SLC25A28: variants seen among roughly 807,000 people sequenced by gnomAD.
SLC25A28 encodes the protein solute carrier family 25 member 28, also known as mitoferrin-2.
SLC25A28 carries 10 observed loss-of-function variants against 31.9 expected under a neutral mutation model. The ratio of observed to expected loss-of-function variants is 0.31; its 90% CI spans 0.19 to 0.53. The LOEUF is 0.53. Ranked by LOEUF, SLC25A28 falls within the 20% of genes least tolerant of loss-of-function variation. The probability of loss-of-function intolerance (pLI) is 0.95; values close to 1 mark genes in which losing one functional copy is unlikely to be tolerated. For missense variants in SLC25A28, 256 were observed against 490.3 expected (o/e 0.52, Z 4.51); for synonymous variants, 208 against 203.6 (o/e 1.02, Z -0.19).
Position 99,610,836 on chromosome 10 carries a change from G to C in SLC25A28, c.*13C>G. The C allele has an allele frequency of 6.2e-7, 1 of 1,608,420 alleles. No individual in the cohort carries two copies. Among genetic ancestry groups the C allele is most frequent in the African/African-American group, 1.3e-5 (1 of 74,932 alleles). ...CAGTGTCATCTGAACCCCTGGCTTC[G>C]TTCAGTGCTACTTCACTTGCCAGCC... On this transcript the variant is annotated 3_prime_UTR_variant, in exon 4 of 4. Coordinates refer to ENST00000370495, the MANE Select transcript of SLC25A28 (RefSeq NM_031212.4).
chr10:99,648,053 C>T, the SLC25A28 span, among the ~76,000 whole-genome samples: 1 of 151,584 alleles, frequency 6.6e-6, no homozygotes, highest in Non-Finnish European at 1.5e-5. Context: ...GGCTGGAGTG[C>T]AGTGGAGTGA....
intron 1 of SLC25A28, chr10:99,618,977 C>T: frequency 2.0e-6 from 2 of 985,466 alleles, no homozygotes; most frequent in Non-Finnish European, 2.4e-6. Context: ...GTAAAGGAGG[C>T]ATCGGTCTTT....
the SLC25A28 span, among the ~76,000 whole-genome samples, chr10:99,642,706 C>T: frequency 6.6e-6 from 1 of 152,106 alleles, no homozygotes; most frequent in African/African-American, 2.4e-5. Context: ...GTGGGTCTGT[C>T]AAAAATAGCT....
At chr10:99,635,706 A>C in the SLC25A28 span, among the ~76,000 whole-genome samples, 1 of 151,644 alleles carries the variant, frequency 6.6e-6, no homozygotes, top group Non-Finnish European at 1.5e-5. Flanking sequence ...CCAACCAACT[A>C]TCTGCTGCCT....
chr10:99,627,285 T>C, the SLC25A28 span, among the ~76,000 whole-genome samples: 1 of 152,092 alleles, frequency 6.6e-6, no homozygotes, highest in South Asian at 2.1e-4. Flanking sequence ...ATAGTAGGTG[T>C]ATATTTATAG....
chr10:99,639,221 AG>A, the SLC25A28 span, among the ~76,000 whole-genome samples: 1 of 151,884 alleles, frequency 6.6e-6, no homozygotes, highest in Non-Finnish European at 1.5e-5. Context: ...ATTCTAAGTG[AG>A]GGTAACTCAG....
chr10:99,612,574 T>C lies in SLC25A28; in HGVS notation c.546A>G (p.Leu182=). ...CAGGGTTCATGGCTGCATCATGAAG[T>C]AATGTTGCCACACACCCGGCCGCAC... ...ANGAAGCVAT[L]LHDAAMNPAE... is the part of the protein sequence containing the mutation. The change falls in exon 3 of 4, where the codon TTA becomes TTG. Residue 182 remains leucine, a synonymous_variant. Coordinates refer to ENST00000370495, the MANE Select transcript of SLC25A28 (RefSeq NM_031212.4). The C allele has an allele frequency of 6.2e-7, 1 of 1,614,184 alleles. No homozygotes were observed. Among genetic ancestry groups the C allele is most frequent in the Non-Finnish European group, 8.5e-7 (1 of 1,180,042 alleles).
chr10:99,616,427 C>T, intron 1 of SLC25A28: 1 of 966,960 alleles, frequency 1.0e-6, no homozygotes, highest in Non-Finnish European at 1.2e-6. Flanking sequence ...GCTAGAAATA[C>T]AAAGATTTTT....
At chr10:99,629,911 C>T in the SLC25A28 span, among the ~76,000 whole-genome samples, 2 of 152,144 alleles carry the variant, frequency 1.3e-5, no homozygotes, top group African/African-American at 2.4e-5. Context: ...CAGTGGCTCA[C>T]GCCTGTAATC....
At chr10:99,622,974 TAC>T (rs2034823083), upstream of SLC25A28, among the ~76,000 whole-genome samples, 1 of 151,950 alleles carries the variant, frequency 6.6e-6, no homozygotes, top group African/African-American at 2.4e-5. Context: ...CAGAGAAAAA[TAC>T]ACACAAAAAA....
chr10:99,625,803 G>A, the SLC25A28 span, among the ~76,000 whole-genome samples: 6 of 152,218 alleles, frequency 3.9e-5, no homozygotes, highest in Non-Finnish European at 7.4e-5. Flanking sequence ...CTCCCTTCTC[G>A]TCAGAACACA....
the SLC25A28 span, among the ~76,000 whole-genome samples, chr10:99,638,875 G>A: frequency 6.6e-6 from 1 of 152,176 alleles, no homozygotes; most frequent in Non-Finnish European, 1.5e-5. Context: ...GGAAAACAGT[G>A]TGGAGATTCC....
At position 99,611,291 on chromosome 10, in the gene SLC25A28, T is replaced by C; in HGVS notation, c.653A>G (p.Asn218Ser). 1 of 1,614,052 alleles carries C rather than the reference T, an allele frequency of 6.2e-7. No homozygotes were observed. Among genetic ancestry groups the C allele is most frequent in the Non-Finnish European group, 8.5e-7 (1 of 1,180,010 alleles). The change falls in exon 4 of 4, where the codon AAT (asparagine) becomes AGT (serine). Residue 218 changes from asparagine (N) to serine (S), a missense_variant. Asn to Ser is a conservative substitution (Grantham distance 46). This residue lies in a region of SLC25A28 where 158 missense variants were observed against 379.1 expected (regional missense o/e 0.42). Coordinates refer to ENST00000370495, the MANE Select transcript of SLC25A28 (RefSeq NM_031212.4). This position sits in a 1 kb window ranked among gnomAD's most constrained non-coding sequence, Gnocchi z 5.5. ...VTDCVRAVWQ[N>S]EGAGAFYRSY... ...GCGGTAAAAGGCCCCGGCCCCTTCA[T>C]TTTGCCACACTGCCCGTACACAGTC...
upstream of SLC25A28, chr10:99,620,531 A>C: frequency 9.7e-7 from 1 of 1,031,622 alleles, no homozygotes; most frequent in Non-Finnish European, 1.2e-6. Flanking sequence ...TTCCTTACGT[A>C]CGAAAAATCA....
chr10:99,618,844 A>C (rs957884191), intron 1 of SLC25A28: 3 of 985,438 alleles, frequency 3.0e-6, no homozygotes, highest in Non-Finnish European at 3.6e-6. Flanking sequence ...AGTAAAAGGG[A>C]TCTACTTTGC....
chr10:99,653,437 C>T, the SLC25A28 span, among the ~76,000 whole-genome samples: 1 of 152,206 alleles, frequency 6.6e-6, no homozygotes, highest in Non-Finnish European at 1.5e-5. Context: ...ATAACCCCAG[C>T]TGACATCTTG....
chr10:99,620,626 T>A (rs1355287179), upstream of SLC25A28: 1 of 995,388 alleles, frequency 1.0e-6, no homozygotes, highest in Non-Finnish European at 1.2e-6. Context: ...CCCTTTGATC[T>A]TAGAAGCTTC....
At chr10:99,620,982 TG>T (rs1270323395), upstream of SLC25A28, 1 of 985,094 alleles carries the variant, frequency 1.0e-6, no homozygotes, top group Non-Finnish European at 1.2e-6. Context: ...CTGAGACGCG[TG>T]GCTGGAGAGC....
the SLC25A28 span, among the ~76,000 whole-genome samples, chr10:99,651,594 C>CTTTTTTTTTTTTTTTTTTTTT: frequency 1.1e-4 from 12 of 110,172 alleles, 1 homozygote; most frequent in African/African-American, 2.0e-4. Context: ...TTTTTCTTTT[C>CTTTTTTTTTTTTTTTTTTTTT]TTTTTTTTTT....
Sources: gnomAD v4.1 joint callset for allele counts (sites outside exome capture counted in the v4.1 genomes callset) on GRCh38, gnomAD v4.1.1 for gene constraint, gnomAD v4.1.1 regional missense constraint, Gnocchi (gnomAD v3.1) non-coding constraint, MANE v1.5 for transcripts, NCBI Gene and HGNC (gene_info 2026-07-23, HGNC 2026-07-21) for gene names.